Variants in ZNF831 observed in about 807,000 individuals in gnomAD.
ZNF831 encodes chromosome 20 open reading frame 174.
A neutral mutation model predicts 95.8 loss-of-function variants in ZNF831; 59 were observed. The observed-to-expected ratio is 0.62, with a 90% confidence interval of 0.50 to 0.77. ZNF831 has a LOEUF of 0.77. Ranked by LOEUF, ZNF831 falls within the 30% of genes least tolerant of loss-of-function variation. ZNF831 has a pLI of 0.00. For synonymous variants in ZNF831, 961 were observed against 925.5 expected, an observed-to-expected ratio of 1.04 and a Z score of -0.70; for missense variants, 2,205 against 2,164.0, an observed-to-expected ratio of 1.02 and a Z score of -0.38.
chr20:59,255,688 C>T lies in ZNF831; in HGVS notation c.*945C>T, dbSNP rs1056835824. On this transcript the variant is annotated 3_prime_UTR_variant, in exon 6 of 6. Transcript: ENST00000371030. ...ACAGCTTCAACTGATGCCTGCTCGT[C>T]GTGACGGGAGCCTTTTAGATTTCCT... 5 of 152,198 alleles carry T rather than the reference C, an allele frequency of 3.3e-5. No homozygotes were observed. The highest frequency in any genetic ancestry group is 2.0e-4 in the Admixed American group (3 of 15,286). The allele number at this position is 152,198 out of a possible 1,614,324, so 9.4% of individuals were successfully genotyped here. A position where few individuals can be genotyped will look rare whatever the true frequency, so the allele number is the denominator to read the frequency against.
chr20:59,207,030 C>T lies in ZNF831; in HGVS notation c.4001C>T (p.Pro1334Leu). Residue 1334 changes from proline (P) to leucine (L), a missense_variant, in exon 4 of 6, where the codon CCT becomes CTT. Coordinates refer to ENST00000371030, the MANE Select transcript of ZNF831 (RefSeq NM_178457.3). The part of the protein sequence containing the change: ...ALEGLKPCRT[P>L]GQTSSEIAGL... ...GAGGGACTGAAGCCATGCAGGACCCCTGGGCAGACCTCTTCAGAAATAGCA... is the reference window on the plus strand; with the variant it reads ...GAGGGACTGAAGCCATGCAGGACCCTTGGGCAGACCTCTTCAGAAATAGCA... 2 of 1,614,132 alleles carry T rather than the reference C, an allele frequency of 1.2e-6. No individual in the cohort carries two copies. Among genetic ancestry groups the T allele is most frequent in the Non-Finnish European group, 1.7e-6 (2 of 1,179,996 alleles).
At chr20:59,174,729 A>G (rs1982005240) in intron 1 of ZNF831, among the ~76,000 whole-genome samples, 1 of 148,402 alleles carries the variant, frequency 6.7e-6, no homozygotes, top group African/African-American at 2.5e-5. Context: ...CCCTGTCTCA[A>G]AAACAAAAAA....
At position 59,167,712 on chromosome 20, in the gene ZNF831, G is replaced by A. The variant is rs148025453; in HGVS notation, c.-37+3505G>A. On this transcript the variant is annotated intron_variant, in intron 1 of 5. Transcript: ENST00000371030. ...GAAGTCAATTGTTTCAGCATCATTT[G>A]TTGAAACATCTACACTCTCTCTACA... Among the ~76,000 whole-genome samples the A allele has an allele frequency of 6.7e-5, 10 of 150,026 alleles. No individual in the cohort carries two copies. In the East Asian group the frequency reaches 1.8e-3, roughly 26 times the overall value.
In ZNF831 at chr20:59,194,205, A is replaced by G. The variant is rs1268847108; in HGVS notation, c.3186A>G (p.Ala1062=). The G allele has an allele frequency of 3.1e-6, 5 of 1,611,722 alleles. No individual in the cohort carries two copies. Among genetic ancestry groups the G allele is most frequent in the Non-Finnish European group, 4.2e-6 (5 of 1,178,856 alleles). ...TSSPPTPTCE[A]HLVQDMEGDS... is the part of the protein sequence containing the mutation. The stretch of plus-strand genomic sequence containing the variant: ...CCCCGCCCACTCCAACGTGTGAGGC[A>G]CACTTAGTTCAGGACATGGAGGGTG... Residue 1062 remains alanine (A), a synonymous_variant, in exon 2 of 6, where the codon GCA becomes GCG. Transcript: ENST00000371030.
intron 4 of ZNF831, among the ~76,000 whole-genome samples, chr20:59,247,056 G>A (rs1026617484): frequency 2.6e-5 from 4 of 152,118 alleles, no homozygotes; most frequent in South Asian, 4.1e-4. Flanking sequence ...AAATGTAATA[G>A]GATTGCAGAA....
intron 1 of ZNF831, among the ~76,000 whole-genome samples, chr20:59,141,001 G>A (rs528270901): frequency 1.3e-5 from 2 of 152,286 alleles, no homozygotes; most frequent in East Asian, 3.9e-4. Context: ...CCAGGTTCAA[G>A]CAATTCTTCT....
At chr20:59,222,492 CTT>C (rs916962743) in intron 4 of ZNF831, among the ~76,000 whole-genome samples, 19 of 145,702 alleles carry the variant, frequency 1.3e-4, no homozygotes, top group African/African-American at 1.7e-4. Context: ...TTCTCTCTCT[CTT>C]TTTTTTTTTT....
chr20:59,138,619 C>G (rs1161697464), intron 1 of ZNF831, among the ~76,000 whole-genome samples: 1 of 152,206 alleles, frequency 6.6e-6, no homozygotes, highest in Non-Finnish European at 1.5e-5. Context: ...TCCCTAGTAA[C>G]TAAGGCGATG....
At chr20:59,167,457 T>TC (rs1250276747) in intron 1 of ZNF831, among the ~76,000 whole-genome samples, 3 of 151,986 alleles carry the variant, frequency 2.0e-5, no homozygotes, top group Non-Finnish European at 4.4e-5. Flanking sequence ...TTCGATGAGG[T>TC]CCATTTTATT....
chr20:59,136,195 T>C (rs1267677146), intron 1 of ZNF831, among the ~76,000 whole-genome samples: 5 of 152,176 alleles, frequency 3.3e-5, no homozygotes, highest in Non-Finnish European at 7.4e-5. Flanking sequence ...CAAGTCCTTC[T>C]CATGCTTCGA....
chr20:59,132,908 T>A (rs564958306), intron 1 of ZNF831, among the ~76,000 whole-genome samples: 5 of 152,252 alleles, frequency 3.3e-5, no homozygotes, highest in Non-Finnish European at 7.3e-5. Context: ...CCCATTACAC[T>A]GCTGACCACA....
At chr20:59,210,183 C>A (rs1186962153) in intron 4 of ZNF831, among the ~76,000 whole-genome samples, 2 of 152,226 alleles carry the variant, frequency 1.3e-5, no homozygotes, top group East Asian at 3.8e-4. Context: ...GTTTGTAAAT[C>A]ATTTTTGCAG....
Position 59,165,971 on chromosome 20 carries a change from C to CT in ZNF831, c.-37+1765dup, listed in dbSNP as rs1981227126. Among the ~76,000 whole-genome samples the CT allele has an allele frequency of 3.9e-5, 6 of 152,252 alleles. No homozygotes were observed. The South Asian group carries it at 1.2e-3, about 32-fold the overall frequency. On this transcript the variant is annotated intron_variant, in intron 1 of 5. Coordinates refer to ENST00000371030, the MANE Select transcript of ZNF831 (RefSeq NM_178457.3). ...TTCGCCATTTTGGCTAGGCTGGTCT[C>CT]TAACGCTTGACCTCAGGTGATCTAT...
intron 2 of ZNF831, among the ~76,000 whole-genome samples, chr20:59,155,928 T>C (rs1381049962): frequency 2.0e-5 from 3 of 152,010 alleles, no homozygotes; most frequent in Non-Finnish European, 4.4e-5. Flanking sequence ...TGATGAGTTG[T>C]GTGCTCCCCC....
intron 4 of ZNF831, among the ~76,000 whole-genome samples, chr20:59,238,021 A>C (rs1378322019): frequency 6.6e-6 from 1 of 152,218 alleles, no homozygotes; most frequent in Non-Finnish European, 1.5e-5. Flanking sequence ...TATTTATGCT[A>C]AAAATGATTT....
intron 1 of ZNF831, among the ~76,000 whole-genome samples, chr20:59,185,111 T>C (rs116383267): frequency 0.092 from 13,984 of 152,196 alleles, 781 homozygotes; most frequent in Non-Finnish European, 0.12. Context: ...AGCGAGCTGC[T>C]TTCCCAGCCC....
chr20:59,213,048 G>C (rs1985448494), intron 4 of ZNF831, among the ~76,000 whole-genome samples: 1 of 152,220 alleles, frequency 6.6e-6, no homozygotes, highest in Non-Finnish European at 1.5e-5. Flanking sequence ...CTCTAGGAGA[G>C]TGACTTGAAT....
intron 4 of ZNF831, among the ~76,000 whole-genome samples, chr20:59,221,127 T>A (rs1168185948): frequency 6.6e-6 from 1 of 152,178 alleles, no homozygotes; most frequent in Non-Finnish European, 1.5e-5. Flanking sequence ...GTGGTTATCA[T>A]GGCTGGGAGG....
At chr20:59,174,744 AAAAAC>A (rs1982008359) in intron 1 of ZNF831, among the ~76,000 whole-genome samples, 1 of 152,222 alleles carries the variant, frequency 6.6e-6, no homozygotes, top group African/African-American at 2.4e-5. Flanking sequence ...AAAAAAAACA[AAAAAC>A]AAAACAAACA....
Sources: gnomAD v4.1 joint callset for allele counts (sites outside exome capture counted in the v4.1 genomes callset) on GRCh38, gnomAD v4.1.1 for gene constraint, MANE v1.5 for transcripts, NCBI Gene and HGNC (gene_info 2026-07-23, HGNC 2026-07-21) for gene names.